Variants in EPHA6 observed in about 807,000 individuals in gnomAD.
EPHA6 encodes ephrin type-A receptor 6.
A neutral mutation model predicts 112.0 loss-of-function variants in EPHA6; 50 were observed. The ratio of observed to expected loss-of-function variants is 0.45; its 90% CI spans 0.36 to 0.56. The LOEUF (loss-of-function observed/expected upper bound fraction) is 0.56. Among genes scored for constraint, EPHA6 ranks in the 20% least tolerant of loss-of-function variants. The pLI, the probability that EPHA6 is intolerant of heterozygous loss-of-function variation, is 0.00. For synonymous variants in EPHA6, 529 were observed against 490.7 expected (o/e 1.08, Z -1.03); for missense variants, 1,280 against 1,417.4 (o/e 0.90, Z 1.56).
intron 5 of EPHA6, among the ~76,000 whole-genome samples, chr3:97,260,928 G>A (rs1412012087): frequency 4.6e-5 from 7 of 152,204 alleles, no homozygotes; most frequent in Admixed American, 4.6e-4. Flanking sequence ...AAGGCTGCCA[G>A]TAGCTATTGC....
chr3:97,733,077 G>T (rs141684551), intron 15 of EPHA6, among the ~76,000 whole-genome samples: 1 of 151,916 alleles, frequency 6.6e-6, no homozygotes, highest in Admixed American at 6.6e-5. Flanking sequence ...GAACCTACCC[G>T]CTCATCACTC....
intron 10 of EPHA6, among the ~76,000 whole-genome samples, chr3:97,486,929 C>A (rs1265908870): frequency 6.6e-6 from 1 of 152,132 alleles, no homozygotes. Flanking sequence ...GTTTTGTATC[C>A]TTTATTTTCT....
At chr3:96,846,612 C>T (rs986038608) in intron 1 of EPHA6, among the ~76,000 whole-genome samples, 21 of 151,966 alleles carry the variant, frequency 1.4e-4, no homozygotes, top group African/African-American at 4.6e-4. Context: ...AATAGATGCG[C>T]AATAGCTTTT....
At chr3:97,547,499 C>G (rs897968054) in intron 11 of EPHA6, among the ~76,000 whole-genome samples, 1 of 152,132 alleles carries the variant, frequency 6.6e-6, no homozygotes, top group African/African-American at 2.4e-5. Flanking sequence ...CCCAGTTAGG[C>G]TACTTGGGGG....
intron 2 of EPHA6, among the ~76,000 whole-genome samples, chr3:96,927,542 T>C (rs1451698935): frequency 6.6e-6 from 1 of 152,196 alleles, no homozygotes; most frequent in Non-Finnish European, 1.5e-5. Flanking sequence ...CACTTATCTC[T>C]AGGGTGGGGG....
chr3:97,678,136 G>C (rs1001251701), intron 14 of EPHA6, among the ~76,000 whole-genome samples: 7 of 152,086 alleles, frequency 4.6e-5, no homozygotes, highest in African/African-American at 1.7e-4. Context: ...GACTATTACA[G>C]AGAGGGTGGT....
At chr3:97,601,898 T>C (rs1176987057) in intron 12 of EPHA6, among the ~76,000 whole-genome samples, 1 of 152,052 alleles carries the variant, frequency 6.6e-6, no homozygotes, top group African/African-American at 2.4e-5. Context: ...CAGTGAATGA[T>C]ACAGAAAAGC....
chr3:96,875,963 T>TGAG (rs2036918967), intron 2 of EPHA6, among the ~76,000 whole-genome samples: 1 of 151,538 alleles, frequency 6.6e-6, no homozygotes, highest in South Asian at 2.1e-4. Flanking sequence ...AAATATAAAC[T>TGAG]AAGATTCTGA....
intron 3 of EPHA6, among the ~76,000 whole-genome samples, chr3:97,081,355 T>C (rs2046713314): frequency 6.6e-6 from 1 of 151,890 alleles, no homozygotes; most frequent in Non-Finnish European, 1.5e-5. Flanking sequence ...ACTCTCTCAA[T>C]AGAAAATCAG....
At chr3:97,364,124 GA>G (rs1316860907) in intron 5 of EPHA6, among the ~76,000 whole-genome samples, 3 of 152,014 alleles carry the variant, frequency 2.0e-5, no homozygotes, top group Non-Finnish European at 4.4e-5. Context: ...TAATGTTACT[GA>G]AGTGTATGCT....
intron 15 of EPHA6, among the ~76,000 whole-genome samples, chr3:97,734,404 C>A (rs566257221): frequency 6.1e-4 from 93 of 151,970 alleles, no homozygotes; most frequent in Non-Finnish European, 1.2e-3. Context: ...AATCTTAAAA[C>A]CCAAGCCTAG....
chr3:97,288,040 T>G (rs1400942156), intron 5 of EPHA6, among the ~76,000 whole-genome samples: 1 of 151,758 alleles, frequency 6.6e-6, no homozygotes, highest in Non-Finnish European at 1.5e-5. Flanking sequence ...GTCTGGGGAT[T>G]TTCTCTGTTA....
chr3:96,851,860 A>G (rs1277010038), intron 1 of EPHA6, among the ~76,000 whole-genome samples: 2 of 152,132 alleles, frequency 1.3e-5, no homozygotes, highest in African/African-American at 4.8e-5. Context: ...CAGGATGAAA[A>G]CCAAGATCTT....
At chr3:97,559,245 T>C (rs1411774723) in intron 11 of EPHA6, among the ~76,000 whole-genome samples, 1 of 151,964 alleles carries the variant, frequency 6.6e-6, no homozygotes, top group Non-Finnish European at 1.5e-5. Flanking sequence ...AGACAAAAAC[T>C]TACCTCACTC....
chr3:96,994,853 G>T (rs1186070063), intron 3 of EPHA6, among the ~76,000 whole-genome samples: 2 of 149,724 alleles, frequency 1.3e-5, no homozygotes, highest in Non-Finnish European at 3.0e-5. Flanking sequence ...CAGGCTTAAA[G>T]AAGGTATTAT....
At chr3:97,378,182 A>ATT (rs1222847569) in intron 5 of EPHA6, among the ~76,000 whole-genome samples, 3 of 152,124 alleles carry the variant, frequency 2.0e-5, no homozygotes, top group Non-Finnish European at 2.9e-5. Context: ...CCCTTCAGCC[A>ATT]TGGCTGAAAA....
At chr3:97,558,909 T>A (rs1476344594) in intron 11 of EPHA6, among the ~76,000 whole-genome samples, 2 of 152,004 alleles carry the variant, frequency 1.3e-5, no homozygotes, top group Non-Finnish European at 2.9e-5. Flanking sequence ...CTTTAAAACA[T>A]TTGTTTTACA....
At chr3:97,026,555 T>A in intron 3 of EPHA6, among the ~76,000 whole-genome samples, 1 of 152,120 alleles carries the variant, frequency 6.6e-6, no homozygotes, top group Admixed American at 6.6e-5. Context: ...GACTTGGCTG[T>A]AAGTCTAATA....
chr3:97,361,672 C>T (rs924757658), intron 5 of EPHA6, among the ~76,000 whole-genome samples: 2 of 152,054 alleles, frequency 1.3e-5, no homozygotes, highest in African/African-American at 4.8e-5. Context: ...TTTATAAAGC[C>T]CCAGTCCCAT....
Sources: allele counts gnomAD v4.1 joint callset (sites outside exome capture counted in the v4.1 genomes callset), GRCh38; gene constraint gnomAD v4.1.1; transcripts MANE v1.5; gene names NCBI Gene and HGNC (gene_info 2026-07-23, HGNC 2026-07-21).